The following MAN1A1 variants were observed in gnomAD, a reference collection of about 807,000 sequenced individuals.
MAN1A1 encodes mannosyl-oligosaccharide 1,2-alpha-mannosidase IA.
In MAN1A1, 29 loss-of-function variants were observed where a neutral mutation model predicts 70.8. The observed-to-expected ratio is 0.41, with a 90% CI of 0.31 to 0.56. MAN1A1 has a LOEUF of 0.56. Ranked by LOEUF, MAN1A1 falls within the 20% of genes least tolerant of loss-of-function variation. The probability of loss-of-function intolerance (pLI) is 0.29; values close to 1 mark genes in which losing one functional copy is unlikely to be tolerated. For missense variants in MAN1A1, 747 were observed against 841.3 expected, an observed-to-expected ratio of 0.89 and a Z score of 1.39; for synonymous variants, 349 against 330.1, an observed-to-expected ratio of 1.06 and a Z score of -0.62.
chr6:119,307,051 T>C (rs2114450509), intron 2 of MAN1A1, 59 bp from the exon 3 acceptor site: 1 of 1,148,050 alleles, frequency 8.7e-7, no homozygotes, highest in South Asian at 1.3e-5. Flanking sequence ...TGCTACAAAA[T>C]AGGTAATATA....
At chr6:119,236,984 C>T (rs948959299) in intron 6 of MAN1A1, among the ~76,000 whole-genome samples, 10 of 152,088 alleles carry the variant, frequency 6.6e-5, no homozygotes, top group Non-Finnish European at 1.2e-4. Flanking sequence ...GGGTTCAAGA[C>T]TTCAGTGGAG....
chr6:119,279,872 A>G (rs1164697024), intron 5 of MAN1A1, among the ~76,000 whole-genome samples: 1 of 152,220 alleles, frequency 6.6e-6, no homozygotes, highest in Non-Finnish European at 1.5e-5. Flanking sequence ...ATTCTATCCT[A>G]TTACTCTACT....
intron 2 of MAN1A1, among the ~76,000 whole-genome samples, chr6:119,317,803 GTTA>G (rs1021461754): frequency 1.3e-5 from 2 of 151,630 alleles, no homozygotes; most frequent in African/African-American, 2.4e-5. Context: ...AATTCTGTAA[GTTA>G]TTATTATTTG....
At chr6:119,296,111 C>T (rs1228252008) in intron 4 of MAN1A1, among the ~76,000 whole-genome samples, 6 of 152,128 alleles carry the variant, frequency 3.9e-5, no homozygotes, top group African/African-American at 7.2e-5. Context: ...CTCCTTTAAA[C>T]GATTAAATTG....
intron 7 of MAN1A1, 68 bp downstream of exon 7, chr6:119,204,691 C>A: frequency 6.4e-7 from 1 of 1,569,214 alleles, no homozygotes; most frequent in Non-Finnish European, 8.6e-7. Context: ...ATTCCTAAAC[C>A]TTCTCAGAGA....
intron 2 of MAN1A1, among the ~76,000 whole-genome samples, chr6:119,333,457 T>C (rs1773375088): frequency 6.6e-6 from 1 of 152,312 alleles, no homozygotes; most frequent in East Asian, 1.9e-4. Context: ...TAATACCACT[T>C]CTGCAACTCT....
chr6:119,179,893 TC>T lies in MAN1A1; in HGVS notation c.1887del (p.Trp629Ter). 1 of 1,613,388 alleles carries T rather than the reference TC, an allele frequency of 6.2e-7. No individual in the cohort carries two copies. The highest frequency in any genetic ancestry group is 8.5e-7 in the Non-Finnish European group (1 of 1,179,416). On this transcript the variant is annotated frameshift_variant, in exon 13 of 13. Transcript: ENST00000368468. LOFTEE classifies it high-confidence loss of function. Reference sequence around the variant, plus strand: ...AGAAGATGTGCCTCGCTATTGAAGATCCAATGCTCCAGTGGAAGAAGATCGT... The same window carrying T: ...AGAAGATGTGCCTCGCTATTGAAGATCAATGCTCCAGTGGAAGAAGATCGT... The part of the protein sequence containing the change: ...SDDDLLPLEH[W>X]IFNSEAHLLP...
At chr6:119,285,931 G>C (rs9481899) in intron 5 of MAN1A1, among the ~76,000 whole-genome samples, 2 of 152,128 alleles carry the variant, frequency 1.3e-5, no homozygotes, top group Admixed American at 1.3e-4. Flanking sequence ...CCAGATTGCT[G>C]TTAATGCTCT....
At chr6:119,266,184 G>A (rs1293007900) in intron 5 of MAN1A1, among the ~76,000 whole-genome samples, 1 of 152,114 alleles carries the variant, frequency 6.6e-6, no homozygotes, top group African/African-American at 2.4e-5. Context: ...TTCCCAACTT[G>A]GAATAATAGA....
At chr6:119,260,623 T>C (rs1366504926) in intron 5 of MAN1A1, among the ~76,000 whole-genome samples, 2 of 152,346 alleles carry the variant, frequency 1.3e-5, no homozygotes, top group African/African-American at 2.4e-5. Flanking sequence ...ATTTTGCTAA[T>C]TTACTTGAAA....
intron 6 of MAN1A1, among the ~76,000 whole-genome samples, chr6:119,235,723 A>G (rs1436811650): frequency 6.6e-6 from 1 of 152,226 alleles, no homozygotes; most frequent in Non-Finnish European, 1.5e-5. Flanking sequence ...GGATTTTCAT[A>G]GCTAGAGAGG....
chr6:119,323,980 G>C (rs1773085982), intron 2 of MAN1A1, among the ~76,000 whole-genome samples: 1 of 152,108 alleles, frequency 6.6e-6, no homozygotes, highest in Non-Finnish European at 1.5e-5. Flanking sequence ...TACAATATAG[G>C]TAAATTCCAC....
Position 119,340,546 on chromosome 6 carries a change from T to C in MAN1A1, c.603+7917A>G, listed in dbSNP as rs1042928068. Among the ~76,000 whole-genome samples the C allele has an allele frequency of 7.2e-5, 11 of 152,320 alleles. 1 individual carries two copies. In the South Asian group the frequency reaches 1.0e-3, roughly 14 times the overall value. ...ATGGCTTGAGTTCACGTCTTGGCCA[T>C]AGTCATTCACAGGCCTTCGGACACC... On this transcript the variant is annotated intron_variant, in intron 2 of 12. Transcript: ENST00000368468.
intron 6 of MAN1A1, among the ~76,000 whole-genome samples, chr6:119,214,874 G>T (rs1161300895): frequency 9.9e-5 from 15 of 152,098 alleles, no homozygotes; most frequent in Admixed American, 9.8e-4. Context: ...ATAAATGAAT[G>T]CTGACACAAG....
At chr6:119,205,662 T>C (rs1773840083) in intron 6 of MAN1A1, among the ~76,000 whole-genome samples, 1 of 152,186 alleles carries the variant, frequency 6.6e-6, no homozygotes, top group Admixed American at 6.5e-5. Context: ...TCCTGAGACA[T>C]GGCAGTACTC....
intron 6 of MAN1A1, among the ~76,000 whole-genome samples, chr6:119,218,510 G>A (rs756118613): frequency 1.3e-5 from 2 of 151,252 alleles, no homozygotes; most frequent in East Asian, 1.9e-4. Context: ...TTAAACCACC[G>A]AAGATCCTCA....
intron 8 of MAN1A1, among the ~76,000 whole-genome samples, chr6:119,195,492 T>C (rs548968723): frequency 6.6e-6 from 1 of 152,310 alleles, no homozygotes; most frequent in East Asian, 1.9e-4. Context: ...CAAAGGAGTG[T>C]TCTCTGACAA....
intron 6 of MAN1A1, among the ~76,000 whole-genome samples, chr6:119,216,526 G>C (rs1774208613): frequency 6.6e-6 from 1 of 152,168 alleles, no homozygotes; most frequent in African/African-American, 2.4e-5. Context: ...GAGTGAAGTA[G>C]GAGCAGGTGT....
At chr6:119,322,817 G>C (rs1286679953) in intron 2 of MAN1A1, among the ~76,000 whole-genome samples, 2 of 152,162 alleles carry the variant, frequency 1.3e-5, no homozygotes, top group Admixed American at 1.3e-4. Flanking sequence ...CCAAGCTGTG[G>C]GTAACAATCA....
Sources: gnomAD v4.1 joint callset for allele counts (sites outside exome capture counted in the v4.1 genomes callset) on GRCh38, gnomAD v4.1.1 for gene constraint, MANE v1.5 for transcripts, NCBI Gene and HGNC (gene_info 2026-07-23, HGNC 2026-07-21) for gene names.